The following WASF2 variants were observed in gnomAD, a reference collection of about 807,000 sequenced individuals.
The protein encoded by WASF2 is WASP family member 2.
WASF2 carries 14 observed loss-of-function variants against 45.0 expected under a neutral mutation model. That is an observed-to-expected ratio of 0.31 (90% CI 0.21 to 0.49). The LOEUF (loss-of-function observed/expected upper bound fraction) is 0.49, where lower values mean the gene tolerates loss of function less well. Ranked by LOEUF, WASF2 falls within the 20% of genes least tolerant of loss-of-function variation. The pLI is 0.99. For missense variants in WASF2, 439 were observed against 636.1 expected (o/e 0.69, Z 3.33); for synonymous variants, 200 against 236.3 (o/e 0.85, Z 1.41).
intron 1 of WASF2, among the ~76,000 whole-genome samples, chr1:27,466,189 C>T (rs552360055): frequency 1.3e-5 from 2 of 152,284 alleles, no homozygotes; most frequent in African/African-American, 4.8e-5. Flanking sequence ...TATCAAACCC[C>T]AGGGTAACCA....
chr1:27,438,939 A>G (rs2017172707), intron 1 of WASF2, among the ~76,000 whole-genome samples: 1 of 152,242 alleles, frequency 6.6e-6, no homozygotes, highest in Admixed American at 6.5e-5. Context: ...TCCTCTCACA[A>G]CATTCAGTCA....
chr1:27,442,542 CA>C (rs151235862), intron 1 of WASF2, among the ~76,000 whole-genome samples: 118 of 151,452 alleles, frequency 7.8e-4, no homozygotes, highest in Middle Eastern at 3.4e-3. Context: ...GACTCCATCT[CA>C]AAAAAATTAA....
rs549804965 is a variant in WASF2, at chr1:27,437,742, T to C, written c.-43-8809A>G. On this transcript the variant is annotated intron_variant, in intron 1 of 8. Transcript: ENST00000618852. ...TGATTGGATAAATATAGATTATGAA[T>C]AATTGTACTTATAAATGGAGAAATC... is the stretch of plus-strand genomic sequence containing the variant. Among the ~76,000 whole-genome samples, 32 of 152,340 alleles carry C rather than the reference T, an allele frequency of 2.1e-4. No homozygotes were observed. In the East Asian group the frequency reaches 6.0e-3, roughly 28 times the overall value.
At chr1:27,409,284 G>A (rs1242548794) in intron 8 of WASF2, among the ~76,000 whole-genome samples, 3 of 151,238 alleles carry the variant, frequency 2.0e-5, no homozygotes, top group Non-Finnish European at 4.4e-5. Context: ...AATTAGCCGG[G>A]CGTGGTGGCA....
chr1:27,424,510 C>G (rs1036618858), intron 2 of WASF2, among the ~76,000 whole-genome samples: 4 of 148,324 alleles, frequency 2.7e-5, no homozygotes, highest in African/African-American at 9.8e-5. Flanking sequence ...ACAAACAATA[C>G]ATGATTTCTA....
chr1:27,483,716 G>C (rs2017885417), intron 1 of WASF2, among the ~76,000 whole-genome samples: 1 of 151,898 alleles, frequency 6.6e-6, no homozygotes, highest in African/African-American at 2.4e-5. Context: ...CAGCACTTTA[G>C]GGGGCCAAGG....
chr1:27,487,565 AAT>A (rs1300886793), intron 1 of WASF2, among the ~76,000 whole-genome samples: 1 of 98,192 alleles, frequency 1.0e-5, no homozygotes, highest in Non-Finnish European at 1.8e-5. Context: ...TATTTTATAC[AAT>A]ATATAATATA....
chr1:27,470,956 A>G (rs1204965629), intron 1 of WASF2, among the ~76,000 whole-genome samples: 2 of 152,208 alleles, frequency 1.3e-5, no homozygotes, highest in African/African-American at 4.8e-5. Context: ...GTAGGATATC[A>G]GTGAAGCGGT....
intron 1 of WASF2, among the ~76,000 whole-genome samples, chr1:27,454,176 TATATATA>T (rs2017430901): frequency 1.7e-4 from 2 of 11,642 alleles, no homozygotes; most frequent in African/African-American, 3.8e-4. Context: ...TATATATATA[TATATATA>T]TATATTTTTT....
chr1:27,473,553 C>T (rs967415331), intron 1 of WASF2, among the ~76,000 whole-genome samples: 2 of 149,436 alleles, frequency 1.3e-5, no homozygotes, highest in Admixed American at 6.7e-5. Context: ...GAAGAAACAA[C>T]ACAGTAAGTC....
chr1:27,430,040 T>C (rs1255826564), intron 1 of WASF2, among the ~76,000 whole-genome samples: 1 of 152,178 alleles, frequency 6.6e-6, no homozygotes, highest in Non-Finnish European at 1.5e-5. Context: ...TCCGGAAACC[T>C]TCCAGTTACT....
chr1:27,443,308 A>C (rs1465252517), intron 1 of WASF2, among the ~76,000 whole-genome samples: 1 of 458 alleles, frequency 2.2e-3, no homozygotes, highest in Non-Finnish European at 0.036. Context: ...ACCGTCTCTT[A>C]AAAAAAAAAA....
At chr1:27,430,163 T>C (rs561648905) in intron 1 of WASF2, among the ~76,000 whole-genome samples, 2 of 152,294 alleles carry the variant, frequency 1.3e-5, no homozygotes, top group South Asian at 2.1e-4. Flanking sequence ...TTTACAAGGA[T>C]AGGAGAGGGT....
At chr1:27,468,051 A>G (rs1355966030) in intron 1 of WASF2, among the ~76,000 whole-genome samples, 7 of 152,000 alleles carry the variant, frequency 4.6e-5, no homozygotes, top group Non-Finnish European at 1.0e-4. Flanking sequence ...CTCGTGTCTC[A>G]GTCACCCAAG....
At chr1:27,415,355 T>C in intron 5 of WASF2, among the ~76,000 whole-genome samples, 1 of 152,134 alleles carries the variant, frequency 6.6e-6, no homozygotes, top group East Asian at 1.9e-4. Flanking sequence ...TATAAGGAAA[T>C]AGTTTAAACA....
intron 1 of WASF2, among the ~76,000 whole-genome samples, chr1:27,449,659 G>A (rs981472704): frequency 6.6e-6 from 1 of 151,800 alleles, no homozygotes; most frequent in Non-Finnish European, 1.5e-5. Flanking sequence ...CTTGTGCTTT[G>A]GCTCTCACAA....
intron 1 of WASF2, among the ~76,000 whole-genome samples, chr1:27,441,855 G>A (rs2017239973): frequency 6.6e-6 from 1 of 151,426 alleles, no homozygotes; most frequent in African/African-American, 2.4e-5. Flanking sequence ...GAATCTGGGA[G>A]GCGGAGGTTG....
intron 1 of WASF2, among the ~76,000 whole-genome samples, chr1:27,452,542 C>T (rs765745148): frequency 1.3e-5 from 2 of 151,318 alleles, no homozygotes; most frequent in Non-Finnish European, 1.5e-5. Context: ...ATAGGCCAGA[C>T]GCGGTGGCTC....
In WASF2 at chr1:27,407,427, T is replaced by G. The variant is rs2016693585; in HGVS notation, c.*762A>C. 1 of 152,682 alleles carries G rather than the reference T, an allele frequency of 6.5e-6. No individual in the cohort carries two copies. Among genetic ancestry groups the G allele is most frequent in the Admixed American group, 6.5e-5 (1 of 15,284 alleles). The allele number at this position is 152,682 out of a possible 1,614,324, so 9.5% of individuals were successfully genotyped here. ...CTGTCCTCATGTGTCAGGGATAGTT[T>G]GGTCATGGATACTAGAGGTTAAAAC... On this transcript the variant is annotated 3_prime_UTR_variant, in exon 9 of 9. Transcript: ENST00000618852.
Sources: gnomAD v4.1 joint callset for allele counts (sites outside exome capture counted in the v4.1 genomes callset) on GRCh38, gnomAD v4.1.1 for gene constraint, MANE v1.5 for transcripts, NCBI Gene and HGNC (gene_info 2026-07-23, HGNC 2026-07-21) for gene names.